The following FAM153A variants were observed in gnomAD, a reference collection of about 807,000 sequenced individuals.
The protein encoded by FAM153A is protein FAM153A.
Under a neutral mutation model 48.1 loss-of-function variants are expected in FAM153A, and 12 were observed. The observed-to-expected ratio is 0.25, with a 90% CI of 0.16 to 0.40. The LOEUF is 0.40. Among genes scored for constraint, FAM153A ranks in the 10% least tolerant of loss-of-function variants. The pLI is 1.00. For synonymous variants in FAM153A, 36 were observed against 118.2 expected (o/e 0.30, Z 4.51); for missense variants, 111 against 345.8 (o/e 0.32, Z 5.38).
At chr5:177,717,158 C>G (rs1359024491) in intron 24 of FAM153A, 2 of 141,788 alleles carry the variant, frequency 1.4e-5, no homozygotes, top group Non-Finnish European at 3.0e-5. Context: ...TATTTCTATA[C>G]TTACTAGTCC....
At chr5:177,770,004 C>A (rs1769021518) in intron 1 of FAM153A, among the ~76,000 whole-genome samples, 1 of 98,652 alleles carries the variant, frequency 1.0e-5, no homozygotes, top group Non-Finnish European at 2.1e-5. Flanking sequence ...TTTCACCTCA[C>A]ACAAAGCAAA....
intron 18 of FAM153A, among the ~76,000 whole-genome samples, chr5:177,728,579 T>C (rs1763116411): frequency 6.7e-6 from 1 of 149,572 alleles, no homozygotes; most frequent in African/African-American, 2.5e-5. Flanking sequence ...GTTTTTGTTT[T>C]TTTTTTTGAG....
At chr5:177,708,341 C>T (rs1046643168), downstream of FAM153A, among the ~76,000 whole-genome samples, 2 of 149,322 alleles carry the variant, frequency 1.3e-5, no homozygotes, top group East Asian at 4.0e-4. Flanking sequence ...TATGGGAGGC[C>T]GAGGCAGGCA....
In FAM153A at chr5:177,734,904, A is replaced by G. The variant is rs752932264; in HGVS notation, c.694T>C (p.Ser232Pro). 3.3e-5 allele frequency: 51 copies of G among 1,529,124 alleles called. No individual in the cohort carries two copies. In the South Asian group the frequency reaches 5.6e-4, roughly 17 times the overall value. 94.7% of individuals were successfully genotyped at this position (1,529,124 alleles called of 1,614,324 possible). A position where few individuals can be genotyped will look rare whatever the true frequency, so the allele number is the denominator to read the frequency against. ...TCCTCCTCCTCACCGTTGTAACTGG[A>G]CAGCTCCTGAAGTACATCCCTGATC... is the stretch of plus-strand genomic sequence containing the variant. Residue 232 changes from serine to proline, a missense_variant, in exon 13 of 21, where the codon TCC becomes CCC. Physicochemically the swap from Ser to Pro is moderately conservative, Grantham distance 74. Around this residue, in one of 4 missense-constraint regions of FAM153A, gnomAD observed 57 missense variants for 104.0 expected, o/e 0.55. Coordinates refer to ENST00000614127, the Ensembl canonical transcript of FAM153A.
At chr5:177,696,048 G>T in the FAM153A span, among the ~76,000 whole-genome samples, 1 of 123,516 alleles carries the variant, frequency 8.1e-6, no homozygotes, top group Non-Finnish European at 1.7e-5. Flanking sequence ...GGGCAGAGGC[G>T]CTCCTCACTT....
chr5:177,770,931 A>T lies in FAM153A; in HGVS notation c.-57+9518T>A, dbSNP rs1426909045. Among the ~76,000 whole-genome samples the T allele has an allele frequency of 4.1e-5, 4 of 98,310 alleles. 1 individual carries two copies. The highest frequency in any genetic ancestry group is 3.1e-4 in the Admixed American group (3 of 9,556). The allele number at this position is 98,310 out of a possible 152,430, so 64.5% of individuals were successfully genotyped here. A position where few individuals can be genotyped will look rare whatever the true frequency, so the allele number is the denominator to read the frequency against. ...TATAAGAAATAGAGTTATTGATTTA[A>T]AAAACATATTCATTGTCTGTGCATC... On this transcript the variant is annotated intron_variant, in intron 1 of 8. Transcript: ENST00000393518.
chr5:177,697,948 T>C, the FAM153A span, among the ~76,000 whole-genome samples: 1 of 140,424 alleles, frequency 7.1e-6, no homozygotes, highest in Non-Finnish European at 1.6e-5. Context: ...TGGTTGTTGC[T>C]CCTCTTCTTT....
chr5:177,712,350 T>C (rs904984919), exon 27 of FAM153A: 1 of 152,016 alleles, frequency 6.6e-6, no homozygotes, highest in Non-Finnish European at 1.5e-5. Flanking sequence ...CATGCGCCTG[T>C]AATTGCAGCT....
chr5:177,699,668 A>G, the FAM153A span, among the ~76,000 whole-genome samples: 1 of 152,280 alleles, frequency 6.6e-6, no homozygotes, highest in Non-Finnish European at 1.5e-5. Context: ...AGAAGTGGAA[A>G]ATCTGAAAGA....
intron 13 of FAM153A, 147 bp downstream of exon 15, chr5:177,734,716 T>A: frequency 8.0e-7 from 1 of 1,256,710 alleles, no homozygotes; most frequent in Non-Finnish European, 1.1e-6. Context: ...CAAGCCTCAG[T>A]GGGGACAGAC....
At chr5:177,753,190 C>T (rs776409165) in exon 1 of FAM153A, 1 of 1,611,818 alleles carries the variant, frequency 6.2e-7, no homozygotes, top group South Asian at 1.1e-5. Flanking sequence ...AAGGCAACAA[C>T]TATAAACACA....
At chr5:177,702,281 G>A in the FAM153A span, among the ~76,000 whole-genome samples, 1 of 151,788 alleles carries the variant, frequency 6.6e-6, no homozygotes, top group Non-Finnish European at 1.5e-5. Context: ...ATAGGGATCT[G>A]TGGAACTTTG....
downstream of FAM153A, among the ~76,000 whole-genome samples, chr5:177,704,574 T>C (rs1044694796): frequency 2.7e-5 from 4 of 149,984 alleles, no homozygotes; most frequent in Non-Finnish European, 5.9e-5. Context: ...ATGGAGGCGG[T>C]TTCTCTGTTT....
chr5:177,702,692 C>T, the FAM153A span, among the ~76,000 whole-genome samples: 1 of 151,860 alleles, frequency 6.6e-6, no homozygotes, highest in Non-Finnish European at 1.5e-5. Flanking sequence ...CCTGTGCAGC[C>T]TCGGGACACT....
At chr5:177,704,684 A>C (rs1757721008), downstream of FAM153A, among the ~76,000 whole-genome samples, 1 of 151,728 alleles carries the variant, frequency 6.6e-6, no homozygotes, top group Admixed American at 6.6e-5. Context: ...AGTGAGTGAG[A>C]TCTCATGAGA....
chr5:177,757,660 AG>A (rs1430956495), upstream of FAM153A, among the ~76,000 whole-genome samples: 1 of 151,554 alleles, frequency 6.6e-6, no homozygotes, highest in African/African-American at 2.4e-5. Context: ...CTGGGATGCA[AG>A]GCTGGTTCAA....
chr5:177,760,259 T>C (rs1768200399), intron 1 of FAM153A, among the ~76,000 whole-genome samples: 1 of 79,174 alleles, frequency 1.3e-5, no homozygotes, highest in Non-Finnish European at 2.5e-5. Context: ...TTTTTTGAGA[T>C]GGAGTCTTGC....
chr5:177,703,679 C>T (rs1260740013), downstream of FAM153A, among the ~76,000 whole-genome samples: 1 of 98,516 alleles, frequency 1.0e-5, no homozygotes, highest in Non-Finnish European at 2.1e-5. Context: ...GTGATTGGAC[C>T]CTGGAGGCGG....
At chr5:177,757,561 C>G (rs1205860415), upstream of FAM153A, among the ~76,000 whole-genome samples, 1 of 151,008 alleles carries the variant, frequency 6.6e-6, no homozygotes, top group Non-Finnish European at 1.5e-5. Flanking sequence ...TGATGAACAT[C>G]GATGCAAAAA....
Sources: allele counts gnomAD v4.1 joint callset (sites outside exome capture counted in the v4.1 genomes callset), GRCh38; gene constraint gnomAD v4.1.1; regional missense constraint gnomAD v4.1.1; transcripts MANE v1.5; gene names NCBI Gene and HGNC (gene_info 2026-07-23, HGNC 2026-07-21).